The following BRI3 variants were observed in gnomAD, a reference collection of about 807,000 sequenced individuals.
The protein encoded by BRI3 is brain protein I3, also known as membrane protein BRI3.
Under a neutral mutation model 12.8 loss-of-function variants are expected in BRI3, and 6 were observed. That is an observed-to-expected ratio of 0.47 (90% CI 0.26 to 0.93). BRI3 has a LOEUF of 0.93. Ranked by LOEUF, BRI3 falls within the 40% of genes least tolerant of loss-of-function variation. The pLI is 0.15. For synonymous variants in BRI3, 91 were observed against 76.1 expected (o/e 1.20, Z -1.02); for missense variants, 134 against 171.1 (o/e 0.78, Z 1.21).
At chr7:98,312,818 A>C (rs1486297564), downstream of BRI3, among the ~76,000 whole-genome samples, 1 of 152,198 alleles carries the variant, frequency 6.6e-6, no homozygotes, top group Admixed American at 6.5e-5. Flanking sequence ...AAGGTTTTGC[A>C]GAGCAGACCT....
chr7:98,300,054 T>A (rs187371416), intron 1 of BRI3, among the ~76,000 whole-genome samples: 1 of 152,172 alleles, frequency 6.6e-6, no homozygotes, highest in African/African-American at 2.4e-5. Context: ...AATAAATAAA[T>A]AAACAAACAA....
chr7:98,290,336 C>G (rs559642455), intron 2 of BRI3, among the ~76,000 whole-genome samples: 4 of 151,824 alleles, frequency 2.6e-5, no homozygotes, highest in Admixed American at 2.0e-4. Flanking sequence ...GCTGGGACTA[C>G]AGGCGCCCGC....
At chr7:98,300,451 G>C (rs1407320931) in intron 1 of BRI3, among the ~76,000 whole-genome samples, 1 of 152,242 alleles carries the variant, frequency 6.6e-6, no homozygotes, top group Non-Finnish European at 1.5e-5. Flanking sequence ...TGCTTTTGCA[G>C]TCTGCATAGG....
downstream of BRI3, chr7:98,293,997 A>T: frequency 6.6e-7 from 1 of 1,506,698 alleles, no homozygotes; most frequent in Non-Finnish European, 9.2e-7. Flanking sequence ...TGGGCTGGGC[A>T]CCGAAGGCCC....
At chr7:98,295,049 C>T (rs548530698), downstream of BRI3, among the ~76,000 whole-genome samples, 13 of 152,364 alleles carry the variant, frequency 8.5e-5, no homozygotes, top group Admixed American at 2.6e-4. Flanking sequence ...CCGGCCACAC[C>T]GTCCTGACAG....
downstream of BRI3, chr7:98,294,171 T>A: frequency 6.4e-7 from 1 of 1,556,470 alleles, no homozygotes; most frequent in Non-Finnish European, 8.9e-7. Flanking sequence ...AAAATTATTT[T>A]AGGTAGAGAT....
In BRI3 at chr7:98,283,940, G is replaced by C. The variant is rs146535405; in HGVS notation, c.245+1487G>C. Among the ~76,000 whole-genome samples the C allele has an allele frequency of 3.9e-3, 595 of 152,310 alleles. 6 individuals carry two copies. Among genetic ancestry groups the C allele is most frequent in the Admixed American group, 0.021 (326 of 15,306 alleles). The stretch of plus-strand genomic sequence containing the variant: ...GTGGTGGCGCAGTTGCTGTCGGTAT[G>C]GGGGCACTGGCCCTGCCACTTCCCC... On this transcript the variant is annotated intron_variant, in intron 2 of 2. Transcript: ENST00000297290.
At chr7:98,287,654 C>T (rs1799754043) in intron 2 of BRI3, among the ~76,000 whole-genome samples, 1 of 152,208 alleles carries the variant, frequency 6.6e-6, no homozygotes, top group Admixed American at 6.5e-5. Flanking sequence ...CACTTCTCAG[C>T]TCTGACAGAG....
intron 2 of BRI3, among the ~76,000 whole-genome samples, chr7:98,287,089 G>A (rs368987080): frequency 1.3e-5 from 2 of 152,366 alleles, no homozygotes; most frequent in East Asian, 1.9e-4. Context: ...CTCCCGGGCC[G>A]GGGTTCTCAG....
intron 2 of BRI3, among the ~76,000 whole-genome samples, chr7:98,287,927 C>G (rs202123459): frequency 2.0e-5 from 3 of 152,328 alleles, no homozygotes; most frequent in African/African-American, 7.2e-5. Context: ...GGCCTTTGAA[C>G]AGGCAGTCAG....
At chr7:98,313,871 C>A (rs1473974049), downstream of BRI3, among the ~76,000 whole-genome samples, 1 of 151,032 alleles carries the variant, frequency 6.6e-6, no homozygotes, top group African/African-American at 2.4e-5. Flanking sequence ...CTCAAGTGAT[C>A]CTCCTGCCTT....
At chr7:98,298,676 G>A (rs1454719007) in intron 1 of BRI3, among the ~76,000 whole-genome samples, 2 of 152,146 alleles carry the variant, frequency 1.3e-5, no homozygotes, top group African/African-American at 4.8e-5. Flanking sequence ...TGTTTGGCCT[G>A]GGATATAACA....
downstream of BRI3, among the ~76,000 whole-genome samples, chr7:98,297,906 C>A (rs867050563): frequency 3.8e-4 from 58 of 152,190 alleles, no homozygotes; most frequent in African/African-American, 1.2e-3. Context: ...AATACTTCCT[C>A]ACTTGGAACT....
chr7:98,296,631 C>CA (rs531324458), downstream of BRI3, among the ~76,000 whole-genome samples: 156 of 151,970 alleles, frequency 1.0e-3, no homozygotes, highest in Admixed American at 4.5e-3. Context: ...CTGTAAAAAA[C>CA]AAAAAAACAA....
chr7:98,290,356 C>T (rs1266868483), intron 2 of BRI3, among the ~76,000 whole-genome samples: 5 of 151,254 alleles, frequency 3.3e-5, no homozygotes, highest in Admixed American at 6.6e-5. Context: ...CCACCGCGCC[C>T]GGCTAATTTT....
chr7:98,293,813 G>A (rs537797951), downstream of BRI3, among the ~76,000 whole-genome samples: 23 of 152,362 alleles, frequency 1.5e-4, no homozygotes, highest in East Asian at 5.8e-4. Context: ...GGTTTTAAGC[G>A]TTCTGGACGT....
At chr7:98,293,355 C>T, downstream of BRI3, 1 of 623,098 alleles carries the variant, frequency 1.6e-6, no homozygotes, top group Non-Finnish European at 2.8e-6. Context: ...AGAAACTTGT[C>T]AACCCAACTA....
At chr7:98,314,524 G>A (rs1800998340), downstream of BRI3, among the ~76,000 whole-genome samples, 1 of 148,280 alleles carries the variant, frequency 6.7e-6, no homozygotes. Context: ...TTAAAACAAA[G>A]GAAAGGAAAT....
upstream of BRI3, among the ~76,000 whole-genome samples, chr7:98,305,070 T>TA (rs1584430058): frequency 2.7e-4 from 40 of 146,736 alleles, no homozygotes; most frequent in African/African-American, 8.4e-4. Flanking sequence ...TTTTTTTTTT[T>TA]AGTAGAGACG....
Sources: gnomAD v4.1 joint callset for allele counts (sites outside exome capture counted in the v4.1 genomes callset) on GRCh38, gnomAD v4.1.1 for gene constraint, MANE v1.5 for transcripts, NCBI Gene and HGNC (gene_info 2026-07-23, HGNC 2026-07-21) for gene names.